TEP1: variants seen among roughly 807,000 people sequenced by gnomAD.
The protein encoded by TEP1 is telomerase protein component 1.
In TEP1, 241 loss-of-function variants were observed where a neutral mutation model predicts 306.3. The ratio of observed to expected loss-of-function variants is 0.79; its 90% CI spans 0.71 to 0.88. The LOEUF is 0.88. Among genes scored for constraint, TEP1 ranks in the 40% least tolerant of loss-of-function variants. The pLI is 0.00. For synonymous variants in TEP1, 1,289 were observed against 1,305.5 expected (o/e 0.99, Z 0.27); for missense variants, 3,051 against 3,276.1 (o/e 0.93, Z 1.68).
At chr14:20,402,382 G>C (rs1474805195) in intron 7 of TEP1, among the ~76,000 whole-genome samples, 1 of 152,104 alleles carries the variant, frequency 6.6e-6, no homozygotes, top group Non-Finnish European at 1.5e-5. Flanking sequence ...CTAAATTTAG[G>C]ATATATTAAT....
rs936586231 is a variant in TEP1 at position 20,378,197 on chromosome 14, A to G, written c.5548T>C (p.Phe1850Leu). The change falls in exon 39 of 55, where the codon TTC becomes CTC. Residue 1850 changes from phenylalanine to leucine, a missense_variant. Transcript: ENST00000262715. ...GCCACAACCCCCCCAGGCACATTGA[A>G]GGCCAAGGTACGGATAGAGGCTCCG... is the stretch of plus-strand genomic sequence containing the variant. ...APGASIRTLA[F>L]NVPGGVVAVG... The G allele has an allele frequency of 6.2e-7, 1 of 1,613,672 alleles. No individual in the cohort carries two copies. Among genetic ancestry groups the G allele is most frequent in the Non-Finnish European group, 8.5e-7 (1 of 1,180,046 alleles).
chr14:20,406,223 G>T lies in TEP1; in HGVS notation c.735+10C>A. 1.2e-6 allele frequency: 2 copies of T among 1,613,660 alleles called. No individual in the cohort carries two copies. The highest frequency in any genetic ancestry group is 1.7e-6 in the Non-Finnish European group (2 of 1,179,880). On this transcript the variant is annotated intron_variant, in intron 3 of 54. Transcript: ENST00000262715. ...CATTATTAACCTTCCCCTAACTCTT[G>T]AATTTTTACCTTCTTTTCCTGAAGG...
At position 20,380,044 on chromosome 14, in the gene TEP1, CA is replaced by C. The variant is rs1566450075; in HGVS notation, c.5012del (p.Leu1671ArgfsTer35). ...RTMKNQQSSSLSLAVSSSPTA... is the reference protein window; with the variant it reads ...RTMKNQQSSSXSLAVSSSPTA... The stretch of plus-strand genomic sequence containing the variant: ...TAGGGGATGAGGAAACTGCCAGAGA[CA>C]GGCTGGAGCTAGAGAAAGAGTAGGA... On this transcript the variant is annotated frameshift_variant, in exon 35 of 55. Transcript: ENST00000262715. LOFTEE classifies it high-confidence loss of function. 1 of 1,610,990 alleles carries C rather than the reference CA, an allele frequency of 6.2e-7. No homozygotes were observed. Among genetic ancestry groups the C allele is most frequent in the African/African-American group, 1.3e-5 (1 of 74,822 alleles).
intron 21 of TEP1, 70 bp from the exon 22 acceptor site, chr14:20,384,783 G>C: frequency 6.6e-7 from 1 of 1,520,308 alleles, no homozygotes; most frequent in Non-Finnish European, 9.0e-7. Context: ...CCAACCACCA[G>C]ACATAGCTGT....
At position 20,410,802 on chromosome 14, in the gene TEP1, GTTT is replaced by G. The variant is rs61662364; in HGVS notation, c.-24-2342_-24-2340del. On this transcript the variant is annotated intron_variant, in intron 1 of 54. Transcript: ENST00000262715. The stretch of plus-strand genomic sequence containing the variant: ...ACTTGCTAATTGTTTCTCCTTTGTG[GTTT>G]TTTTTTTTTTTTTTTTTTTTTTGCT... Among the ~76,000 whole-genome samples the G allele has an allele frequency of 3.2e-4, 8 of 25,224 alleles. No homozygotes were observed. In the Admixed American group the frequency reaches 3.9e-3, roughly 12 times the overall value. The allele number at this position is 25,224 out of a possible 152,430, so 16.5% of individuals were successfully genotyped here.
intron 53 of TEP1, 44 bp from the exon 54 acceptor site, chr14:20,368,946 C>T: frequency 6.9e-7 from 1 of 1,446,742 alleles, no homozygotes; most frequent in Non-Finnish European, 9.6e-7. Flanking sequence ...TTCTCAGGGG[C>T]CCCTCCTCAG....
chr14:20,370,133 C>G (rs911209732), intron 51 of TEP1, among the ~76,000 whole-genome samples: 7 of 152,176 alleles, frequency 4.6e-5, no homozygotes, highest in Admixed American at 3.9e-4. Flanking sequence ...AGGCTGGTCT[C>G]GAACTCCTGG....
intron 1 of TEP1, among the ~76,000 whole-genome samples, chr14:20,410,294 A>G (rs1879549459): frequency 6.6e-6 from 1 of 152,082 alleles, no homozygotes; most frequent in African/African-American, 2.4e-5. Flanking sequence ...GACATACTGT[A>G]TATAGATTTG....
In TEP1 at chr14:20,406,360, G is replaced by A; in HGVS notation, c.608C>T (p.Thr203Ile). 6.2e-7 allele frequency: 1 copy of A among 1,614,086 alleles called. No homozygotes were observed. The highest frequency in any genetic ancestry group is 8.5e-7 in the Non-Finnish European group (1 of 1,180,012). ...FDSEEKKGAE[T>I]QMPSYSLSLG... ...GCTCAGACTATAAGAAGGCATTTGG[G>A]TCTCTGCCCCTTTCTTCTCTTCTGA... The change falls in exon 3 of 55, where the codon ACC becomes ATC. Residue 203 changes from threonine to isoleucine, a missense_variant. Physicochemically the swap from Thr to Ile is moderately conservative, Grantham distance 89. Transcript: ENST00000262715.
intron 23 of TEP1, 58 bp downstream of exon 23, chr14:20,384,333 C>T: frequency 6.2e-7 from 1 of 1,611,694 alleles, no homozygotes; most frequent in Non-Finnish European, 8.5e-7. Context: ...CTCCCCAGGA[C>T]AACCCAGACC....
At position 20,386,130 on chromosome 14, in the gene TEP1, CGG is replaced by C. The variant is rs1435810632; in HGVS notation, c.2925_2926del (p.Arg976LeufsTer12). On this transcript the variant is annotated frameshift_variant, in exon 20 of 55. Coordinates refer to ENST00000262715, the MANE Select transcript of TEP1 (RefSeq NM_007110.5). LOFTEE classifies it high-confidence loss of function. Reference sequence around the variant, plus strand: ...GTAGCTGGGGGGAATGTATCCATAACGGGAGCCCAGAATCCCCACAAACAGCT... The same window carrying C: ...GTAGCTGGGGGGAATGTATCCATAACGAGCCCAGAATCCCCACAAACAGCT... 2.5e-6 allele frequency: 4 copies of C among 1,613,290 alleles called. No individual in the cohort carries two copies. The African/African-American group carries it at 5.3e-5, about 22-fold the overall frequency.
chr14:20,391,126 G>A, intron 13 of TEP1, 30 bp from the exon 14 acceptor site: 1 of 1,607,886 alleles, frequency 6.2e-7, no homozygotes, highest in Non-Finnish European at 8.5e-7. Flanking sequence ...GGGAAATAAA[G>A]CTCCCCTGCT....
intron 3 of TEP1, 149 bp from the exon 4 acceptor site, chr14:20,405,734 C>A: frequency 7.3e-6 from 7 of 960,914 alleles, no homozygotes; most frequent in Non-Finnish European, 1.1e-5. Flanking sequence ...GGGATTAGGG[C>A]CAGGCATGGT....
At chr14:20,392,585 T>C (rs533818702) in intron 12 of TEP1, among the ~76,000 whole-genome samples, 1 of 152,278 alleles carries the variant, frequency 6.6e-6, no homozygotes, top group East Asian at 1.9e-4. Flanking sequence ...TCACAGTAGC[T>C]CAATGCCATA....
rs367562304 is a variant in TEP1, at chr14:20,385,134, G to A, written c.2983-25C>T. 20 of 1,612,770 alleles carry A rather than the reference G, an allele frequency of 1.2e-5. No individual in the cohort carries two copies. In the African/African-American group the frequency reaches 1.6e-4, roughly 13 times the overall value. ...CCTGCGGGGAGGACAGAGACAGTGA[G>A]TTTAGTCCTAGGCCACAATGACCCT... is the stretch of plus-strand genomic sequence containing the variant. On this transcript the variant is annotated intron_variant, in intron 20 of 54. Coordinates refer to ENST00000262715, the MANE Select transcript of TEP1 (RefSeq NM_007110.5).
In TEP1 at chr14:20,367,466, TTG is replaced by T. The variant is rs1884539431; in HGVS notation, c.*969_*970del. 2 of 152,168 alleles carry T rather than the reference TTG, an allele frequency of 1.3e-5. No individual in the cohort carries two copies. The highest frequency in any genetic ancestry group is 2.9e-5 in the Non-Finnish European group (2 of 68,032). 9.4% of individuals were successfully genotyped at this position (152,168 alleles called of 1,614,324 possible). ...AGTTTTAATCTTTGTGAATTTCAAT[TTG>T]AGAGAGAGTAAGACACTTTCGTGAT... is the stretch of plus-strand genomic sequence containing the variant. On this transcript the variant is annotated 3_prime_UTR_variant, in exon 55 of 55. Coordinates refer to ENST00000262715, the MANE Select transcript of TEP1 (RefSeq NM_007110.5).
Position 20,404,756 on chromosome 14 carries a change from CT to C in TEP1, c.886del (p.Arg296GlyfsTer4). On this transcript the variant is annotated frameshift_variant, in exon 5 of 55. Transcript: ENST00000262715. LOFTEE classifies it high-confidence loss of function. ...CACATTCCGGACGTTCAGCTGCTGCCTGGCATACAAAGATGCCTAGGACACA... is the reference window on the plus strand; with the variant it reads ...CACATTCCGGACGTTCAGCTGCTGCCGGCATACAAAGATGCCTAGGACACA... Reference protein sequence around the residue: ...EFILKASLYARQQLNVRNVAN... With the variant: ...EFILKASLYAXQQLNVRNVAN... The C allele has an allele frequency of 1.2e-6, 2 of 1,611,000 alleles. 1 individual carries two copies. Among genetic ancestry groups the C allele is most frequent in the Non-Finnish European group, 1.7e-6 (2 of 1,178,330 alleles).
In TEP1 at chr14:20,377,387, C is replaced by T; in HGVS notation, c.5981G>A (p.Gly1994Asp). The change falls in exon 41 of 55, where the codon GGC (glycine) becomes GAC (aspartate). Residue 1994 changes from glycine to aspartate, a missense_variant. This residue lies in a region of TEP1 where 1,540 missense variants were observed against 1,705.9 expected (regional missense o/e 0.90). Coordinates refer to ENST00000262715, the MANE Select transcript of TEP1 (RefSeq NM_007110.5). ...VSGAEDGSLQ[G>D]WALKECSLQS... is the part of the protein sequence containing the mutation. ...AAGGGAGCATTCCTTGAGTGCCCAG[C>T]CCTGCAAGGACCCATCTTCTGCACC... 1 of 1,614,132 alleles carries T rather than the reference C, an allele frequency of 6.2e-7. No individual in the cohort carries two copies. Among genetic ancestry groups the T allele is most frequent in the Non-Finnish European group, 8.5e-7 (1 of 1,179,996 alleles).
At position 20,384,449 on chromosome 14, in the gene TEP1, T is replaced by C; in HGVS notation, c.3281A>G (p.Glu1094Gly). 6.2e-7 allele frequency: 1 copy of C among 1,613,308 alleles called. No individual in the cohort carries two copies. The highest frequency in any genetic ancestry group is 2.2e-5 in the East Asian group (1 of 44,826). The change falls in exon 23 of 55, where the codon GAG becomes GGG. Residue 1094 changes from glutamate to glycine, a missense_variant. Physicochemically the swap from Glu to Gly is moderately conservative, Grantham distance 98 (BLOSUM62 -2). Coordinates refer to ENST00000262715, the MANE Select transcript of TEP1 (RefSeq NM_007110.5). ...ATCCTGCAGAACCAACTGCCCAAAC[T>C]CCTCCAGCCCGCCAACATAGGGCCG... ...AGRPYVGGLE[E>G]FGQLVLQDVW...
Sources: allele counts gnomAD v4.1 joint callset (sites outside exome capture counted in the v4.1 genomes callset), GRCh38; gene constraint gnomAD v4.1.1; regional missense constraint gnomAD v4.1.1; transcripts MANE v1.5; gene names NCBI Gene and HGNC (gene_info 2026-07-23, HGNC 2026-07-21).